PACRGL: variants seen among roughly 807,000 people sequenced by gnomAD.
The protein encoded by PACRGL is parkin coregulated like, also known as PACRG-like protein.
In PACRGL, 38 loss-of-function variants were observed where a neutral mutation model predicts 34.5. The ratio of observed to expected loss-of-function variants is 1.10; its 90% CI spans 0.85 to 1.44. The LOEUF is 1.44. Among genes scored for constraint, PACRGL ranks in the 40% most tolerant of loss-of-function variants. The probability of loss-of-function intolerance (pLI) is 0.00; values close to 1 mark genes in which losing one functional copy is unlikely to be tolerated. For missense variants in PACRGL, 305 were observed against 281.4 expected, an observed-to-expected ratio of 1.08 and a Z score of -0.60; for synonymous variants, 128 against 100.1, an observed-to-expected ratio of 1.28 and a Z score of -1.66.
At position 20,731,655 on chromosome 4, in the gene PACRGL, A is replaced by G. The variant is rs1343869656; in HGVS notation, c.*4314A>G. On this transcript the variant is annotated 3_prime_UTR_variant, in exon 9 of 9. Coordinates refer to ENST00000503585, the MANE Select transcript of PACRGL (RefSeq NM_001258345.3). Reference sequence around the variant, plus strand: ...CTAGGAATTCTAATGCTGTGGAGATATGATAGATAATATATGAGTGATGCT... The same window carrying G: ...CTAGGAATTCTAATGCTGTGGAGATGTGATAGATAATATATGAGTGATGCT... The G allele has an allele frequency of 2.0e-6, 2 of 985,154 alleles. No homozygotes were observed. Among genetic ancestry groups the G allele is most frequent in the Non-Finnish European group, 2.4e-6 (2 of 829,810 alleles). 61.0% of individuals were successfully genotyped at this position (985,154 alleles called of 1,614,324 possible).
intron 8 of PACRGL, among the ~76,000 whole-genome samples, chr4:20,745,474 C>T (rs1752221556): frequency 2.0e-5 from 3 of 152,134 alleles, no homozygotes. Context: ...AAGACTTTTG[C>T]TCCGTGCTTT....
chr4:20,766,364 G>A, the PACRGL span, among the ~76,000 whole-genome samples: 4 of 152,050 alleles, frequency 2.6e-5, no homozygotes, highest in Non-Finnish European at 5.9e-5. Context: ...AAATCAGTTC[G>A]AGACCAGCTT....
At chr4:20,722,735 G>A (rs1432506776) in intron 7 of PACRGL, among the ~76,000 whole-genome samples, 5 of 152,120 alleles carry the variant, frequency 3.3e-5, no homozygotes, top group East Asian at 1.9e-4. Context: ...ATGTTGACAA[G>A]GATACCCTAT....
chr4:20,723,648 ATTTGT>A (rs1744395024), intron 7 of PACRGL, among the ~76,000 whole-genome samples: 3 of 152,082 alleles, frequency 2.0e-5, no homozygotes. Context: ...AGTTGTATAC[ATTTGT>A]TTTGTTTTCT....
intron 8 of PACRGL, among the ~76,000 whole-genome samples, chr4:20,743,602 T>C (rs1032441562): frequency 2.0e-5 from 3 of 152,028 alleles, no homozygotes; most frequent in Admixed American, 6.6e-5. Context: ...TTCCTTACAC[T>C]TTATACAAAA....
intron 3 of PACRGL, among the ~76,000 whole-genome samples, chr4:20,707,366 G>A (rs145235480): frequency 2.6e-5 from 4 of 152,104 alleles, no homozygotes; most frequent in Non-Finnish European, 2.9e-5. Flanking sequence ...CCTGCCCAGC[G>A]CAATCCTTTG....
chr4:20,737,035 A>T (rs1485201161), downstream of PACRGL, among the ~76,000 whole-genome samples: 1 of 152,224 alleles, frequency 6.6e-6, no homozygotes, highest in East Asian at 1.9e-4. Flanking sequence ...TAATGGTGCC[A>T]AGACCATTCA....
At chr4:20,698,231 CA>C (rs1401476303), upstream of PACRGL, among the ~76,000 whole-genome samples, 3 of 152,112 alleles carry the variant, frequency 2.0e-5, no homozygotes, top group Non-Finnish European at 4.4e-5. Context: ...TATATGAGAG[CA>C]AACAGAAAAT....
chr4:20,734,861 T>TTA (rs571845123), downstream of PACRGL: 62 of 505,956 alleles, frequency 1.2e-4, 1 homozygote, highest in South Asian at 1.7e-3. Flanking sequence ...GATTGATGTG[T>TTA]TATTGGTTGT....
At position 20,719,327 on chromosome 4, in the gene PACRGL, C is replaced by A. The variant is rs151186732; in HGVS notation, c.610-5481C>A. Among the ~76,000 whole-genome samples, 738 of 152,238 alleles carry A rather than the reference C, an allele frequency of 4.8e-3. 8 individuals carry two copies. The highest frequency in any genetic ancestry group is 0.017 in the African/African-American group (708 of 41,548). ...GAAGGGTGTTTTGTGTCTCTATCTC[C>A]TTCAATTCTGCTCTGATCTTAGTTA... is the stretch of plus-strand genomic sequence containing the variant. On this transcript the variant is annotated intron_variant, in intron 7 of 8. Coordinates refer to ENST00000503585, the MANE Select transcript of PACRGL (RefSeq NM_001258345.3).
At chr4:20,756,666 C>T (rs1262232300), downstream of PACRGL, among the ~76,000 whole-genome samples, 1 of 151,920 alleles carries the variant, frequency 6.6e-6, no homozygotes, top group African/African-American at 2.4e-5. Flanking sequence ...CCTAGTAGTT[C>T]ATCCAGGGCA....
chr4:20,750,150 CATT>C (rs1753330077), intron 8 of PACRGL, among the ~76,000 whole-genome samples: 1 of 152,138 alleles, frequency 6.6e-6, no homozygotes, highest in African/African-American at 2.4e-5. Flanking sequence ...GTGTCTCTGT[CATT>C]ATTAGAACTT....
chr4:20,759,179 T>C, the PACRGL span, among the ~76,000 whole-genome samples: 2 of 152,308 alleles, frequency 1.3e-5, no homozygotes, highest in African/African-American at 4.8e-5. Flanking sequence ...TATTATAAAG[T>C]AAAAGGAAAT....
rs1241379666 is a variant in PACRGL at position 20,731,538 on chromosome 4, G to C, written c.*4197G>C. 1.0e-6 allele frequency: 1 copy of C among 985,258 alleles called. No homozygotes were observed. The highest frequency in any genetic ancestry group is 1.7e-5 in the African/African-American group (1 of 57,218). 61.0% of individuals were successfully genotyped at this position (985,258 alleles called of 1,614,324 possible). A position where few individuals can be genotyped will look rare whatever the true frequency, so the allele number is the denominator to read the frequency against. On this transcript the variant is annotated 3_prime_UTR_variant, in exon 9 of 9. Coordinates refer to ENST00000503585, the MANE Select transcript of PACRGL (RefSeq NM_001258345.3). ...AAGACCATTAGTGAGTTCAGTCAAA[G>C]AGCCATTTCTTGTCCACATACACTA...
intron 1 of PACRGL, chr4:20,702,509 T>C (rs1285118855): frequency 5.1e-6 from 1 of 196,930 alleles, no homozygotes; most frequent in Non-Finnish European, 1.1e-5. Context: ...CTAAGACTCA[T>C]GTGGCCCTTA....
the PACRGL span, among the ~76,000 whole-genome samples, chr4:20,763,301 A>G: frequency 6.6e-6 from 1 of 152,210 alleles, no homozygotes; most frequent in East Asian, 1.9e-4. Context: ...TGTATAACAC[A>G]GTTAAAAACC....
At chr4:20,724,502 TTCCATCATGG>T (rs2149197833) in intron 7 of PACRGL, among the ~76,000 whole-genome samples, 1 of 152,276 alleles carries the variant, frequency 6.6e-6, no homozygotes, top group East Asian at 1.9e-4. Context: ...AGGCACAGCT[TTCCATCATGG>T]TCCTCAATGC....
At chr4:20,719,371 C>G (rs1203314086) in intron 7 of PACRGL, among the ~76,000 whole-genome samples, 1 of 152,144 alleles carries the variant, frequency 6.6e-6, no homozygotes, top group Non-Finnish European at 1.5e-5. Flanking sequence ...CTTCTGCTAG[C>G]TTTTGAATGT....
Position 20,709,691 on chromosome 4 carries a change from A to G in PACRGL, c.284A>G (p.His95Arg), listed in dbSNP as rs974412999. ...SKGGIPCRLV[H>R]GSVKHRLQWE... Reference sequence around the variant, plus strand: ...TAACTTTTATATTTTAGATTGGTACATGGTTCAGTAAAACACAGATTACAG... The same window carrying G: ...TAACTTTTATATTTTAGATTGGTACGTGGTTCAGTAAAACACAGATTACAG... Residue 95 changes from histidine to arginine, a missense_variant, in exon 5 of 9, where the codon CAT (histidine) becomes CGT (arginine). Physicochemically the swap from His to Arg is conservative, Grantham distance 29 (BLOSUM62 0). Transcript: ENST00000503585. 3 of 1,597,286 alleles carry G rather than the reference A, an allele frequency of 1.9e-6. No homozygotes were observed. Among genetic ancestry groups the G allele is most frequent in the Non-Finnish European group, 2.6e-6 (3 of 1,168,174 alleles).
Sources: allele counts gnomAD v4.1 joint callset (sites outside exome capture counted in the v4.1 genomes callset), GRCh38; gene constraint gnomAD v4.1.1; transcripts MANE v1.5; gene names NCBI Gene and HGNC (gene_info 2026-07-23, HGNC 2026-07-21).